Variants in SGCZ observed in about 807,000 individuals in gnomAD.
SGCZ encodes the protein zeta-sarcoglycan.
SGCZ carries 40 observed loss-of-function variants against 41.3 expected under a neutral mutation model. The observed-to-expected ratio is 0.97, with a 90% confidence interval of 0.75 to 1.26. The LOEUF (loss-of-function observed/expected upper bound fraction) is 1.26, where lower values mean the gene tolerates loss of function less well. Among genes scored for constraint, SGCZ ranks in the 50% most tolerant of loss-of-function variants. The pLI is 0.00. For synonymous variants in SGCZ, 206 were observed against 137.5 expected, an observed-to-expected ratio of 1.50 and a Z score of -3.49; for missense variants, 552 against 369.8, an observed-to-expected ratio of 1.49 and a Z score of -4.04.
chr8:14,866,145 C>A (rs1803922929), intron 1 of SGCZ, among the ~76,000 whole-genome samples: 1 of 151,916 alleles, frequency 6.6e-6, no homozygotes, highest in Non-Finnish European at 1.5e-5. Flanking sequence ...CTGTTTTAGG[C>A]AAAAAGCAAT....
intron 1 of SGCZ, among the ~76,000 whole-genome samples, chr8:14,601,434 G>C (rs993711365): frequency 6.6e-6 from 1 of 150,890 alleles, no homozygotes; most frequent in Non-Finnish European, 1.5e-5. Context: ...AATACAGTTA[G>C]TTTCTTGAAG....
chr8:15,001,042 G>A (rs1162445984), intron 1 of SGCZ, among the ~76,000 whole-genome samples: 2 of 152,228 alleles, frequency 1.3e-5, no homozygotes, highest in African/African-American at 4.8e-5. Flanking sequence ...TCTGGCAAAA[G>A]GGACAACAAC....
intron 1 of SGCZ, among the ~76,000 whole-genome samples, chr8:15,156,926 A>T (rs1799348015): frequency 1.3e-5 from 2 of 150,906 alleles, no homozygotes. Flanking sequence ...CCTGGGCAAC[A>T]AGAGGGAAAC....
chr8:15,181,398 G>T (rs1246958606), intron 1 of SGCZ, among the ~76,000 whole-genome samples: 1 of 151,984 alleles, frequency 6.6e-6, no homozygotes. Flanking sequence ...AAATATGACA[G>T]AGCCTAGATA....
intron 1 of SGCZ, among the ~76,000 whole-genome samples, chr8:14,820,069 T>A (rs1344898777): frequency 6.6e-6 from 1 of 151,824 alleles, no homozygotes; most frequent in Non-Finnish European, 1.5e-5. Context: ...AAACATAAGG[T>A]ATAGAGTGGC....
intron 2 of SGCZ, among the ~76,000 whole-genome samples, chr8:14,528,843 C>A (rs7820050): frequency 0.78 from 109,776 of 139,924 alleles, 42,697 homozygotes; most frequent in African/African-American, 0.87. Flanking sequence ...AAAAACAAAA[C>A]AAAAACAAAA....
At chr8:14,309,205 G>A in intron 3 of SGCZ, 4 of 1,491,460 alleles carry the variant, frequency 2.7e-6, no homozygotes, top group Non-Finnish European at 3.7e-6. Context: ...TGCTGCGGCT[G>A]ATCTCTAAGT....
intron 3 of SGCZ, among the ~76,000 whole-genome samples, chr8:14,257,162 C>T (rs1005039049): frequency 1.3e-4 from 20 of 151,936 alleles, no homozygotes; most frequent in African/African-American, 4.8e-4. Context: ...AAATTCACCT[C>T]TACAAAAAAC....
At position 14,803,274 on chromosome 8, in the gene SGCZ, C is replaced by T. The variant is rs573313732; in HGVS notation, c.40-248348G>A. Reference sequence around the variant, plus strand: ...TCCTGTCTACAGCTCCCAGCGTGAGCGACGCAGAAGACGGGTGATTTCTGC... The same window carrying T: ...TCCTGTCTACAGCTCCCAGCGTGAGTGACGCAGAAGACGGGTGATTTCTGC... On this transcript the variant is annotated intron_variant, in intron 1 of 7. Transcript: ENST00000382080. Among the ~76,000 whole-genome samples the T allele has an allele frequency of 7.9e-5, 12 of 152,224 alleles. No homozygotes were observed. In the South Asian group the frequency reaches 8.3e-4, roughly 11 times the overall value.
intron 1 of SGCZ, among the ~76,000 whole-genome samples, chr8:14,741,856 A>C (rs146705314): frequency 6.6e-6 from 1 of 151,992 alleles, no homozygotes; most frequent in South Asian, 2.1e-4. Flanking sequence ...AACAGTATCA[A>C]TATCAACTTC....
chr8:14,294,669 T>C (rs1296113760), intron 3 of SGCZ, among the ~76,000 whole-genome samples: 1 of 152,018 alleles, frequency 6.6e-6, no homozygotes, highest in Non-Finnish European at 1.5e-5. Flanking sequence ...AAATCACATA[T>C]ATGACAAAGA....
intron 2 of SGCZ, among the ~76,000 whole-genome samples, chr8:14,542,163 T>C (rs1251092212): frequency 6.6e-6 from 1 of 152,106 alleles, no homozygotes; most frequent in South Asian, 2.1e-4. Flanking sequence ...ATTTTGGCTT[T>C]TGTTATTATT....
intron 1 of SGCZ, among the ~76,000 whole-genome samples, chr8:15,166,450 G>C (rs1003327802): frequency 6.6e-6 from 1 of 151,846 alleles, no homozygotes; most frequent in South Asian, 2.1e-4. Context: ...GGGTTTCACC[G>C]TGTTAGCCAG....
At chr8:14,564,774 C>A (rs1804308954) in intron 1 of SGCZ, among the ~76,000 whole-genome samples, 1 of 152,112 alleles carries the variant, frequency 6.6e-6, no homozygotes, top group Non-Finnish European at 1.5e-5. Context: ...TTGTTTTCTG[C>A]TCCAACAAAA....
Position 14,129,029 on chromosome 8 carries a change from A to G in SGCZ, c.548-20794T>C, listed in dbSNP as rs149007006. ...GTACGCTAAAAGCCCAGACTTCACC[A>G]ATATGCAACACAGTCATGTAAAAAA... On this transcript the variant is annotated intron_variant, in intron 5 of 7. Transcript: ENST00000382080. 6.2e-3 allele frequency among the ~76,000 whole-genome samples: 948 copies of G among 152,126 alleles called. 7 individuals carry two copies. The highest frequency in any genetic ancestry group is 0.022 in the African/African-American group (903 of 41,528).
chr8:14,130,301 A>C (rs1276237024), intron 5 of SGCZ, among the ~76,000 whole-genome samples: 1 of 152,042 alleles, frequency 6.6e-6, no homozygotes, highest in African/African-American at 2.4e-5. Context: ...GAAAAAAAAA[A>C]CAAATGATTC....
intron 1 of SGCZ, among the ~76,000 whole-genome samples, chr8:15,058,032 C>G (rs1173009721): frequency 1.3e-5 from 2 of 152,118 alleles, no homozygotes; most frequent in Non-Finnish European, 2.9e-5. Context: ...GTCATTAAAA[C>G]AGTGAATAAA....
At chr8:14,348,472 G>T (rs946337731) in intron 2 of SGCZ, among the ~76,000 whole-genome samples, 3 of 152,048 alleles carry the variant, frequency 2.0e-5, no homozygotes, top group Non-Finnish European at 2.9e-5. Context: ...CCATTATGCA[G>T]TATATTTGAG....
intron 1 of SGCZ, among the ~76,000 whole-genome samples, chr8:14,565,312 A>G (rs73667313): frequency 1.9e-3 from 288 of 150,500 alleles, no homozygotes; most frequent in African/African-American, 6.7e-3. Flanking sequence ...AAATGCAATG[A>G]CTTTTTTTTT....
Sources: gnomAD v4.1 joint callset for allele counts (sites outside exome capture counted in the v4.1 genomes callset) on GRCh38, gnomAD v4.1.1 for gene constraint, MANE v1.5 for transcripts, NCBI Gene and HGNC (gene_info 2026-07-23, HGNC 2026-07-21) for gene names.